Variants in PABIR2 observed in about 807,000 individuals in gnomAD.
PABIR2 encodes the protein PABIR family member 2, also known as family with sequence similarity 122B.
In PABIR2, 7 loss-of-function variants were observed where a neutral mutation model predicts 22.8. That is an observed-to-expected ratio of 0.31 (90% CI 0.17 to 0.58). PABIR2 has a LOEUF of 0.58. Ranked by LOEUF, PABIR2 falls within the 20% of genes least tolerant of loss-of-function variation. The pLI is 0.89. For missense variants in PABIR2, 155 were observed against 205.1 expected, an observed-to-expected ratio of 0.76 and a Z score of 1.49; for synonymous variants, 67 against 73.8, an observed-to-expected ratio of 0.91 and a Z score of 0.47.
At chrX:134,795,332 G>C (rs2079719322) in intron 1 of PABIR2, among the ~76,000 whole-genome samples, 2 of 111,380 alleles carry the variant, frequency 1.8e-5, no homozygotes, top group Admixed American at 9.6e-5. Flanking sequence ...ACAGGGTCTC[G>C]CAAATTGGCT....
Position 134,772,207 on chromosome X carries a change from CT to C in PABIR2, c.735del (p.Glu246SerfsTer4). On this transcript the variant is annotated frameshift_variant, in exon 10 of 10. Transcript: ENST00000343004. LOFTEE classifies it high-confidence loss of function. ...SDPLAKGSATAESPVACSNSC... is the reference protein window; with the variant it reads ...SDPLAKGSATXESPVACSNSC... ...GAATTGGAGCATGCTACTGGAGACT[CT>C]GCGGTAGCGCTGCCTTTAGCCAGCG... is the stretch of plus-strand genomic sequence containing the variant. 8.3e-7 allele frequency: 1 copy of C among 1,208,075 alleles called. No individual in the cohort carries two copies.
intron 9 of PABIR2, among the ~76,000 whole-genome samples, chrX:134,778,818 CTTT>C (rs750442064): frequency 5.7e-5 from 6 of 104,990 alleles, no homozygotes; most frequent in Non-Finnish European, 1.2e-4. Flanking sequence ...GACGCAACAA[CTTT>C]TTTTTTTTTG....
intron 1 of PABIR2, among the ~76,000 whole-genome samples, chrX:134,794,601 C>T (rs1001389712): frequency 1.8e-5 from 2 of 112,091 alleles, no homozygotes; most frequent in Admixed American, 1.9e-4. Flanking sequence ...TCTTGAGACA[C>T]CTACTTTGTC....
chrX:134,772,323 A>G (rs927190961), intron 9 of PABIR2, 40 bp from the exon 10 acceptor site: 1 of 1,137,453 alleles, frequency 8.8e-7, no homozygotes, highest in Non-Finnish European at 1.2e-6. Flanking sequence ...AAATGCAACT[A>G]TCAGGGTAAA....
At chrX:134,775,450 C>T (rs1203790631) in intron 9 of PABIR2, among the ~76,000 whole-genome samples, 2 of 95,686 alleles carry the variant, frequency 2.1e-5, no homozygotes, top group African/African-American at 4.0e-5. Context: ...ACCCGGGAGG[C>T]GGAGCTTGCA....
rs1372750376 is a variant in PABIR2, at chrX:134,796,229, C to T, written c.-24G>A. 8.7e-7 allele frequency: 1 copy of T among 1,151,048 alleles called. No individual in the cohort carries two copies. Among genetic ancestry groups the T allele is most frequent in the Non-Finnish European group, 1.2e-6 (1 of 846,339 alleles). The allele number at this position is 1,151,048 out of a possible 1,213,427, so 94.9% of individuals were successfully genotyped here. On this transcript the variant is annotated 5_prime_UTR_variant, in exon 1 of 10. Coordinates refer to ENST00000343004, the MANE Select transcript of PABIR2 (RefSeq NM_001387468.1). ...ATGTCAGACTTGCAGGCAGGCACAG[C>T]GGGCAGTGCTCAGCTCCTGGTGCTT...
At chrX:134,788,665 G>T in intron 6 of PABIR2, 65 bp downstream of exon 6, 3 of 940,339 alleles carry the variant, frequency 3.2e-6, no homozygotes, top group Non-Finnish European at 4.4e-6. Context: ...GGGGTGATTT[G>T]TGTGTGTTTT....
Position 134,789,259 on chromosome X carries a change from C to G in PABIR2, c.242G>C (p.Gly81Ala), listed in dbSNP as rs1434601028. The change falls in exon 4 of 10, where the codon GGC becomes GCC. Residue 81 changes from glycine to alanine, a missense_variant. Physicochemically the swap from Gly to Ala is moderately conservative, Grantham distance 60. Coordinates refer to ENST00000343004, the MANE Select transcript of PABIR2 (RefSeq NM_001387468.1). ...SRLHQIKREE[G>A]LDMVNRETAH... is the part of the protein sequence containing the mutation. ...AGTTTCTCTGTTCACCATATCCAGG[C>G]CTTCTTCCTGCAAAGACAAACATAT... The G allele has an allele frequency of 2.5e-6, 3 of 1,212,217 alleles. No individual in the cohort carries two copies. The highest frequency in any genetic ancestry group is 5.9e-5 in the East Asian group (2 of 33,863).
intron 6 of PABIR2, 81 bp from the exon 7 acceptor site, chrX:134,787,614 T>C (rs972654819): frequency 6.2e-5 from 39 of 626,772 alleles, no homozygotes; most frequent in African/African-American, 7.8e-5. Flanking sequence ...TTCTTTCTTT[T>C]TTTTTTTTTT....
In PABIR2 at chrX:134,793,846, T is replaced by G; in HGVS notation, c.146A>C (p.Asn49Thr). 8.3e-7 allele frequency: 1 copy of G among 1,211,217 alleles called. No homozygotes were observed. ...GTGACGGCTCATAATTGTTGTACTA[T>G]TCCTCCGAGTTCTAAGTGTGTAAGG... Reference protein sequence around the residue: ...FQPYTLRTRRNSTTIMSRHSL... With the variant: ...FQPYTLRTRRTSTTIMSRHSL... The change falls in exon 2 of 10, where the codon AAT (asparagine) becomes ACT (threonine). Residue 49 changes from asparagine to threonine, a missense_variant. Physicochemically the swap from Asn to Thr is moderately conservative, Grantham distance 65. Coordinates refer to ENST00000343004, the MANE Select transcript of PABIR2 (RefSeq NM_001387468.1).
chrX:134,777,906 T>TTTG, intron 9 of PABIR2, among the ~76,000 whole-genome samples: 1 of 101,086 alleles, frequency 9.9e-6, no homozygotes, highest in Non-Finnish European at 2.0e-5. Flanking sequence ...TTTTTTTTTT[T>TTTG]TGAGACAGAG....
chrX:134,788,450 T>A (rs774418580), intron 6 of PABIR2, among the ~76,000 whole-genome samples: 8 of 105,815 alleles, frequency 7.6e-5, no homozygotes, highest in South Asian at 3.9e-4. Context: ...ATATATGTGT[T>A]ATATATGTTA....
chrX:134,771,051 T>G lies in PABIR2; in HGVS notation c.*1088A>C. On this transcript the variant is annotated 3_prime_UTR_variant, in exon 10 of 10. Coordinates refer to ENST00000343004, the MANE Select transcript of PABIR2 (RefSeq NM_001387468.1). ...CAGCAACACAATAACTAAAACACCA[T>G]TCACCACATGACAAAACAAACAAAT... The G allele has an allele frequency of 3.3e-6, 1 of 299,854 alleles. No individual in the cohort carries two copies. The highest frequency in any genetic ancestry group is 5.8e-6 in the Non-Finnish European group (1 of 171,759). 24.7% of individuals were successfully genotyped at this position (299,854 alleles called of 1,213,427 possible). A position where few individuals can be genotyped will look rare whatever the true frequency, so the allele number is the denominator to read the frequency against.
intron 5 of PABIR2, 81 bp downstream of exon 5, chrX:134,789,004 G>A: frequency 8.8e-7 from 1 of 1,137,209 alleles, no homozygotes; most frequent in Non-Finnish European, 1.2e-6. Flanking sequence ...GGAAAGAAGT[G>A]TGCGAAAAAA....
chrX:134,782,098 G>C lies in PABIR2; in HGVS notation c.563-181C>G, dbSNP rs114190003. Among the ~76,000 whole-genome samples the C allele has an allele frequency of 6.2e-3, 694 of 112,274 alleles. 6 individuals are homozygous for C. Among genetic ancestry groups the C allele is most frequent in the African/African-American group, 0.022 (678 of 30,983 alleles). ...GCTTCCACATAAACTCAATCAAAAA[G>C]TTGGCAGCCCTAAAAAACTTCTCAC... On this transcript the variant is annotated intron_variant, in intron 8 of 9. Coordinates refer to ENST00000343004, the MANE Select transcript of PABIR2 (RefSeq NM_001387468.1).
intron 8 of PABIR2, 97 bp downstream of exon 8, chrX:134,785,789 G>T: frequency 2.3e-6 from 2 of 851,272 alleles, no homozygotes; most frequent in Non-Finnish European, 3.4e-6. Context: ...GTTACCTTTC[G>T]TATGTGTGTG....
chrX:134,788,905 C>A, intron 5 of PABIR2, 74 bp from the exon 6 acceptor site: 1 of 1,024,189 alleles, frequency 9.8e-7, no homozygotes, highest in Non-Finnish European at 1.3e-6. Flanking sequence ...TATAACACAC[C>A]CAGATTTTCC....
chrX:134,788,670 T>C (rs2079452960), intron 6 of PABIR2, 60 bp downstream of exon 6: 21 of 976,289 alleles, frequency 2.2e-5, no homozygotes, highest in Non-Finnish European at 3.0e-5. Flanking sequence ...GATTTGTGTG[T>C]GTTTTAGAGT....
rs146817486 is a variant in PABIR2 at position 134,771,368 on chromosome X, C to T, written c.*771G>A. 1.0e-3 allele frequency: 1,156 copies of T among 1,146,360 alleles called. 7 individuals carry two copies. The African/African-American group carries it at 0.018, about 18-fold the overall frequency. 94.5% of individuals were successfully genotyped at this position (1,146,360 alleles called of 1,213,427 possible). On this transcript the variant is annotated 3_prime_UTR_variant, in exon 10 of 10. Transcript: ENST00000343004. ...TGATAACACCACCTAGAAATATCAA[C>T]AATATTTTATATATTCCTTAGGGCA...
Sources: gnomAD v4.1 joint callset for allele counts (sites outside exome capture counted in the v4.1 genomes callset) on GRCh38, gnomAD v4.1.1 for gene constraint, MANE v1.5 for transcripts, NCBI Gene and HGNC (gene_info 2026-07-23, HGNC 2026-07-21) for gene names.